The following CARD10 variants were observed in gnomAD, a reference collection of about 807,000 sequenced individuals.
CARD10 encodes caspase recruitment domain-containing protein 10.
CARD10 carries 49 observed loss-of-function variants against 114.6 expected under a neutral mutation model. That is an observed-to-expected ratio of 0.43 (90% CI 0.34 to 0.54). The LOEUF (loss-of-function observed/expected upper bound fraction) is 0.54, where lower values mean the gene tolerates loss of function less well. Among genes scored for constraint, CARD10 ranks in the 20% least tolerant of loss-of-function variants. The probability of loss-of-function intolerance (pLI) is 0.03; values close to 1 mark genes in which losing one functional copy is unlikely to be tolerated. For synonymous variants in CARD10, 602 were observed against 593.2 expected (o/e 1.01, Z -0.21); for missense variants, 1,206 against 1,397.2 (o/e 0.86, Z 2.18).
At chr22:37,495,422 T>G in intron 15 of CARD10, 95 bp downstream of exon 15, 1 of 904,474 alleles carries the variant, frequency 1.1e-6, no homozygotes, top group South Asian at 1.6e-5. Flanking sequence ...AGGGAGGGAG[T>G]GTCTTCCTAG....
intron 15 of CARD10, among the ~76,000 whole-genome samples, chr22:37,494,817 T>C (rs888459654): frequency 6.6e-6 from 1 of 152,106 alleles, no homozygotes. Flanking sequence ...AGAGCTGGGG[T>C]CGAATGCAGG....
In CARD10 at chr22:37,496,015, TGGGGCAG is replaced by T; in HGVS notation, c.2060-19_2060-13del. 1 of 1,612,926 alleles carries T rather than the reference TGGGGCAG, an allele frequency of 6.2e-7. No individual in the cohort carries two copies. The highest frequency in any genetic ancestry group is 1.3e-5 in the African/African-American group (1 of 74,976). On this transcript the variant is annotated splice_polypyrimidine_tract_variant and intron_variant, in intron 13 of 19. Coordinates refer to ENST00000251973, the MANE Select transcript of CARD10 (RefSeq NM_014550.4). The surrounding 1 kb of genome is among the most constrained non-coding windows in gnomAD (Gnocchi z 4.1). ...GAAGGACTGGCAGGCTGGGCATGGA[TGGGGCAG>T]GGGGCAGCAAGGAGGACAAGAGGAG...
intron 7 of CARD10, 41 bp downstream of exon 7, chr22:37,506,151 C>CA (rs1368546337): frequency 6.4e-6 from 9 of 1,400,134 alleles, no homozygotes; most frequent in Non-Finnish European, 8.3e-6. Context: ...GCCAGGACCC[C>CA]AGCCTTCCTG....
intron 9 of CARD10, among the ~76,000 whole-genome samples, chr22:37,503,842 C>T (rs1383652922): frequency 6.6e-6 from 1 of 152,136 alleles, no homozygotes; most frequent in Non-Finnish European, 1.5e-5. Flanking sequence ...GCTTTCTTGC[C>T]GGAGGTCCCT....
chr22:37,500,450 CCTGA>C (rs1297652059), intron 11 of CARD10, among the ~76,000 whole-genome samples: 5 of 151,988 alleles, frequency 3.3e-5, no homozygotes, highest in African/African-American at 4.8e-5. Flanking sequence ...CTGTCCCCCA[CCTGA>C]CTATCTGTCA....
intron 6 of CARD10, among the ~76,000 whole-genome samples, chr22:37,506,605 G>A (rs1392826577): frequency 6.6e-6 from 1 of 152,186 alleles, no homozygotes; most frequent in Non-Finnish European, 1.5e-5. Flanking sequence ...TGCAGACTGG[G>A]GAAACCAAGC....
intron 11 of CARD10, among the ~76,000 whole-genome samples, chr22:37,500,014 C>T (rs1289573422): frequency 6.6e-6 from 1 of 152,238 alleles, no homozygotes; most frequent in Non-Finnish European, 1.5e-5. Context: ...GCTCTGCCAG[C>T]TCTGAGCAGT....
intron 7 of CARD10, among the ~76,000 whole-genome samples, 188 bp downstream of exon 7, chr22:37,506,004 C>T (rs1923391859): frequency 6.6e-6 from 1 of 152,168 alleles, no homozygotes; most frequent in African/African-American, 2.4e-5. Flanking sequence ...CGCCTGCTCA[C>T]CAGCCCACAC....
intron 3 of CARD10, chr22:37,512,195 G>C (rs983755379): frequency 6.6e-6 from 1 of 152,342 alleles, no homozygotes; most frequent in African/African-American, 2.4e-5. Context: ...TGACCACCAA[G>C]CTGGGAGCAG....
At chr22:37,510,813 G>A (rs981566223) in intron 3 of CARD10, among the ~76,000 whole-genome samples, 1 of 152,206 alleles carries the variant, frequency 6.6e-6, no homozygotes, top group Non-Finnish European at 1.5e-5. Context: ...AGTGGCTCAC[G>A]CCTGTAATCC....
intron 6 of CARD10, among the ~76,000 whole-genome samples, 157 bp downstream of exon 6, chr22:37,507,672 C>A (rs1413666542): frequency 6.6e-6 from 1 of 152,224 alleles, no homozygotes; most frequent in African/African-American, 2.4e-5. Context: ...CTCCAGGTCT[C>A]CTGTCTGGTT....
intron 9 of CARD10, 113 bp from the exon 10 acceptor site, chr22:37,503,326 T>C (rs913413319): frequency 1.1e-5 from 12 of 1,087,256 alleles, no homozygotes; most frequent in Non-Finnish European, 1.3e-5. Context: ...CCCAAGCAAA[T>C]GCAGGCTAGA....
chr22:37,511,443 A>AGAG (rs1923645466), intron 3 of CARD10, among the ~76,000 whole-genome samples: 1 of 67,578 alleles, frequency 1.5e-5, no homozygotes, highest in South Asian at 4.6e-4. Context: ...AGGTAGAAGG[A>AGAG]GAAGGAGGAG....
rs758216874 is a variant in CARD10 at position 37,507,875 on chromosome 22, G to A, written c.1145C>T (p.Ala382Val). The A allele has an allele frequency of 1.2e-6, 2 of 1,614,198 alleles. No homozygotes were observed. The highest frequency in any genetic ancestry group is 1.7e-6 in the Non-Finnish European group (2 of 1,180,024). Residue 382 changes from alanine to valine, a missense_variant, in exon 6 of 20, where the codon GCC becomes GTC. By Grantham distance (64) the Ala-to-Val change is moderately conservative (BLOSUM62 0). Around this residue, in one of 2 missense-constraint regions of CARD10, gnomAD observed 1,068 missense variants for 1,179.1 expected, o/e 0.91. Coordinates refer to ENST00000251973, the MANE Select transcript of CARD10 (RefSeq NM_014550.4). Reference protein sequence around the residue: ...KDCDLYKHRMATVLAQLEEIE... With the variant: ...KDCDLYKHRMVTVLAQLEEIE... ...CTCCTCCAGTTGGGCCAGGACAGTG[G>A]CCATGCGGTGCTTGTACAGGTCACA...
At position 37,496,615 on chromosome 22, in the gene CARD10, G is replaced by C; in HGVS notation, c.1948-55C>G. 7.7e-7 allele frequency: 1 copy of C among 1,300,742 alleles called. No homozygotes were observed. Among genetic ancestry groups the C allele is most frequent in the Non-Finnish European group, 1.1e-6 (1 of 908,446 alleles). 80.6% of individuals were successfully genotyped at this position (1,300,742 alleles called of 1,614,324 possible). On this transcript the variant is annotated intron_variant, in intron 12 of 19. Coordinates refer to ENST00000251973, the MANE Select transcript of CARD10 (RefSeq NM_014550.4). The surrounding 1 kb of genome is among the most constrained non-coding windows in gnomAD (Gnocchi z 4.1). ...GAAGTGAGCCTCTGAGAGTAGAGCAGCCCAGGGGCTGGAGGAAGACCAGGT... is the reference window on the plus strand; with the variant it reads ...GAAGTGAGCCTCTGAGAGTAGAGCACCCCAGGGGCTGGAGGAAGACCAGGT...
Position 37,492,510 on chromosome 22 carries a change from A to G in CARD10, c.2676T>C (p.Pro892=), listed in dbSNP as rs1395217116. 9 of 1,604,256 alleles carry G rather than the reference A, an allele frequency of 5.6e-6. No individual in the cohort carries two copies. The African/African-American group carries it at 9.4e-5, about 17-fold the overall frequency. ...TGGCAGGCTGAGCCTTGGGGGCTCC[A>G]GGCGCTGAGGATGGGCACAGTTCCT... ...SGEELCPSSA[P]GAPKAQPATP... The change falls in exon 18 of 20, where the codon CCT becomes CCC. Residue 892 remains proline (P), a synonymous_variant. Transcript: ENST00000251973. The surrounding 1 kb of genome is among the most constrained non-coding windows in gnomAD (Gnocchi z 5.7).
rs1922982639 is a variant in CARD10, at chr22:37,495,809, G to A, written c.2254C>T (p.Pro752Ser). 2.5e-6 allele frequency: 4 copies of A among 1,613,938 alleles called. No individual in the cohort carries two copies. Among genetic ancestry groups the A allele is most frequent in the Non-Finnish European group, 3.4e-6 (4 of 1,180,048 alleles). ...RQEWFCTRVD[P>S]LTLRDLDRGT... is the part of the protein sequence containing the mutation. Reference sequence around the variant, plus strand: ...CGGTCCAGGTCCCGCAGAGTGAGGGGGTCAACCCGGGTGCAGAACCATTCC... The same window carrying A: ...CGGTCCAGGTCCCGCAGAGTGAGGGAGTCAACCCGGGTGCAGAACCATTCC... The change falls in exon 14 of 20, where the codon CCC (proline) becomes TCC (serine). Residue 752 changes from proline (P) to serine (S), a missense_variant. By Grantham distance (74) the Pro-to-Ser change is moderately conservative. Coordinates refer to ENST00000251973, the MANE Select transcript of CARD10 (RefSeq NM_014550.4).
At chr22:37,493,435 C>T (rs574601947) in intron 16 of CARD10, among the ~76,000 whole-genome samples, 1 of 152,328 alleles carries the variant, frequency 6.6e-6, no homozygotes, top group East Asian at 1.9e-4. Flanking sequence ...TGACTCTCTA[C>T]CCCCTAATTA....
Position 37,515,956 on chromosome 22 carries a change from A to G in CARD10, c.699+17T>C. 2.6e-6 allele frequency: 4 copies of G among 1,542,454 alleles called. No homozygotes were observed. Among genetic ancestry groups the G allele is most frequent in the Non-Finnish European group, 3.5e-6 (4 of 1,137,160 alleles). On this transcript the variant is annotated intron_variant, in intron 3 of 19. Transcript: ENST00000251973. ...GCCCCTTCCCTTGCCTCCCCGACCCATCTCCCCAGGGCCTACCGCCAGCTG... is the reference window on the plus strand; with the variant it reads ...GCCCCTTCCCTTGCCTCCCCGACCCGTCTCCCCAGGGCCTACCGCCAGCTG...
Sources: gnomAD v4.1 joint callset for allele counts (sites outside exome capture counted in the v4.1 genomes callset) on GRCh38, gnomAD v4.1.1 for gene constraint, gnomAD v4.1.1 regional missense constraint, Gnocchi (gnomAD v3.1) non-coding constraint, MANE v1.5 for transcripts, NCBI Gene and HGNC (gene_info 2026-07-23, HGNC 2026-07-21) for gene names.